ANO2: variants seen among roughly 807,000 people sequenced by gnomAD.
The protein encoded by ANO2 is anoctamin 2, also known as anoctamin-2.
A neutral mutation model predicts 124.2 loss-of-function variants in ANO2; 101 were observed. That is an observed-to-expected ratio of 0.81 (90% confidence interval 0.69 to 0.96). The LOEUF is 0.96. Ranked by LOEUF, ANO2 falls within the 40% of genes least tolerant of loss-of-function variation. The probability of loss-of-function intolerance (pLI) is 0.00; values close to 1 mark genes in which losing one functional copy is unlikely to be tolerated. For missense variants in ANO2, 1,293 were observed against 1,274.5 expected (o/e 1.01, Z -0.22); for synonymous variants, 486 against 482.5 (o/e 1.01, Z -0.09).
At chr12:5,592,565 T>C (rs564396249) in intron 20 of ANO2, among the ~76,000 whole-genome samples, 1 of 152,280 alleles carries the variant, frequency 6.6e-6, no homozygotes, top group Admixed American at 6.5e-5. Flanking sequence ...GAACTTTATC[T>C]GAAAAGAAGT....
At position 5,592,763 on chromosome 12, in the gene ANO2, G is replaced by C. The variant is rs144523495; in HGVS notation, c.2233+6721C>G. ...TTCAAATAAGAATCCAAAATTCTCAGTAGAGGCAAAGTCAGCGAGGTAAGT... is the reference window on the plus strand; with the variant it reads ...TTCAAATAAGAATCCAAAATTCTCACTAGAGGCAAAGTCAGCGAGGTAAGT... On this transcript the variant is annotated intron_variant, in intron 20 of 24. Transcript: ENST00000682330. Among the ~76,000 whole-genome samples, 136 of 152,288 alleles carry C rather than the reference G, an allele frequency of 8.9e-4. No homozygotes were observed. The East Asian group carries it at 0.025, about 27-fold the overall frequency.
intron 19 of ANO2, among the ~76,000 whole-genome samples, chr12:5,604,396 A>T (rs1221890226): frequency 6.6e-6 from 1 of 152,188 alleles, no homozygotes; most frequent in Admixed American, 6.5e-5. Flanking sequence ...GAGCCCTGGA[A>T]CGATCTGGGA....
chr12:5,635,190 T>C lies in ANO2; in HGVS notation c.1778A>G (p.Glu593Gly). 6.2e-7 allele frequency: 1 copy of C among 1,602,464 alleles called. No individual in the cohort carries two copies. The highest frequency in any genetic ancestry group is 8.5e-7 in the Non-Finnish European group (1 of 1,176,192). Residue 593 changes from glutamate to glycine, a missense_variant, in exon 16 of 25, where the codon GAG becomes GGG. By Grantham distance (98) the Glu-to-Gly change is moderately conservative. Transcript: ENST00000682330. This position sits in a 1 kb window ranked among gnomAD's most constrained non-coding sequence, Gnocchi z 5.2. ...CCACTTGGCCACAGCGCCGTAGATC[T>C]CGTCCAGGATGAGGATGACCACGAG... ...INLVVILILD[E>G]IYGAVAKWLT... is the part of the protein sequence containing the mutation.
chr12:5,938,224 A>C (rs976305094), intron 1 of ANO2, among the ~76,000 whole-genome samples: 3 of 151,990 alleles, frequency 2.0e-5, no homozygotes, highest in Admixed American at 6.5e-5. Flanking sequence ...TGCTGCTCCA[A>C]ATTTTTATCT....
intron 10 of ANO2, among the ~76,000 whole-genome samples, chr12:5,792,944 C>G (rs1368755393): frequency 6.6e-6 from 1 of 152,196 alleles, no homozygotes; most frequent in African/African-American, 2.4e-5. Flanking sequence ...GGCTCCTCCT[C>G]TTCCAAGTTA....
At chr12:5,811,296 T>A (rs1953382676) in intron 7 of ANO2, among the ~76,000 whole-genome samples, 1 of 152,208 alleles carries the variant, frequency 6.6e-6, no homozygotes, top group Non-Finnish European at 1.5e-5. Context: ...GACGGTGCAT[T>A]TAACAGAGAC....
chr12:5,667,605 T>C (rs533978025), intron 14 of ANO2, among the ~76,000 whole-genome samples: 1 of 152,260 alleles, frequency 6.6e-6, no homozygotes, highest in South Asian at 2.1e-4. Flanking sequence ...GTTACATAGG[T>C]AAACGTGTGC....
At chr12:5,832,422 C>T in intron 5 of ANO2, 30 bp downstream of exon 5, 1 of 1,612,928 alleles carries the variant, frequency 6.2e-7, no homozygotes, top group Non-Finnish European at 8.5e-7. Context: ...TCCCTTCCCA[C>T]ATCTCTGCTC....
chr12:5,709,116 C>T (rs12810178), intron 14 of ANO2, among the ~76,000 whole-genome samples: 8,387 of 152,268 alleles, frequency 0.055, 309 homozygotes, highest in Non-Finnish European at 0.068. Flanking sequence ...AAATTCCCTT[C>T]AGGTTCACTT....
intron 8 of ANO2, among the ~76,000 whole-genome samples, chr12:5,807,093 C>A (rs147932402): frequency 6.6e-6 from 1 of 152,132 alleles, no homozygotes; most frequent in Admixed American, 6.5e-5. Flanking sequence ...ATTGTGTCAT[C>A]TGGGGAAATC....
intron 7 of ANO2, among the ~76,000 whole-genome samples, chr12:5,824,128 G>A (rs1276340124): frequency 1.3e-5 from 2 of 152,174 alleles, no homozygotes; most frequent in South Asian, 2.1e-4. Flanking sequence ...TGCTGTGAAG[G>A]TCCCTGACAT....
At chr12:5,840,598 C>T (rs1251621314) in intron 4 of ANO2, among the ~76,000 whole-genome samples, 2 of 152,068 alleles carry the variant, frequency 1.3e-5, no homozygotes, top group Non-Finnish European at 2.9e-5. Flanking sequence ...AGGAAAAGGT[C>T]TAACAGTATA....
At chr12:5,680,521 G>T (rs576749422) in intron 14 of ANO2, among the ~76,000 whole-genome samples, 1 of 152,156 alleles carries the variant, frequency 6.6e-6, no homozygotes, top group African/African-American at 2.4e-5. Context: ...TCTGAAGAAC[G>T]GCCGTGTGGA....
At chr12:5,897,692 T>A (rs1385782826) in intron 3 of ANO2, among the ~76,000 whole-genome samples, 2 of 149,720 alleles carry the variant, frequency 1.3e-5, no homozygotes, top group Non-Finnish European at 3.0e-5. Flanking sequence ...GATATCAAAG[T>A]GGGGAAAAAT....
intron 3 of ANO2, among the ~76,000 whole-genome samples, chr12:5,920,036 AATGGATGGATGG>A (rs558209463): frequency 2.0e-3 from 289 of 145,626 alleles, no homozygotes; most frequent in African/African-American, 5.0e-3. Flanking sequence ...GGTGTGGATA[AATGGATGGATGG>A]ATGGATGGAT....
rs1955496262 is a variant in ANO2 at position 5,868,679 on chromosome 12, G to A, written c.535-14538C>T. 2.0e-5 allele frequency among the ~76,000 whole-genome samples: 3 copies of A among 152,160 alleles called. No homozygotes were observed. The South Asian group carries it at 6.2e-4, about 32-fold the overall frequency. ...GGGGCATTTTCTCCCCCTCTATGAG[G>A]CGAAAGCCCAGTCTGGATCGTGTCC... On this transcript the variant is annotated intron_variant, in intron 3 of 24. Coordinates refer to ENST00000682330, the MANE Select transcript of ANO2 (RefSeq NM_001364791.2).
At chr12:5,564,886 A>C (rs1941658323) in intron 24 of ANO2, among the ~76,000 whole-genome samples, 4 of 152,154 alleles carry the variant, frequency 2.6e-5, no homozygotes, top group Non-Finnish European at 5.9e-5. Context: ...TTCAGGGAAT[A>C]CAAAAGCCTG....
At chr12:5,832,717 G>T (rs1431648590) in intron 4 of ANO2, 114 bp from the exon 5 acceptor site, 17 of 1,210,446 alleles carry the variant, frequency 1.4e-5, no homozygotes, top group Non-Finnish European at 1.9e-5. Context: ...ATTGGAGAGA[G>T]GAAGAGACTG....
At chr12:5,921,706 G>A (rs922301737) in intron 2 of ANO2, among the ~76,000 whole-genome samples, 2 of 151,776 alleles carry the variant, frequency 1.3e-5, no homozygotes, top group African/African-American at 4.8e-5. Context: ...ACACGCCCAC[G>A]CCTGCACACA....
Sources: allele counts gnomAD v4.1 joint callset (sites outside exome capture counted in the v4.1 genomes callset), GRCh38; gene constraint gnomAD v4.1.1; non-coding constraint Gnocchi (gnomAD v3.1); transcripts MANE v1.5; gene names NCBI Gene and HGNC (gene_info 2026-07-23, HGNC 2026-07-21).